Variants in ME3 observed in about 807,000 individuals in gnomAD.
ME3 encodes the protein NADP-dependent malic enzyme, mitochondrial.
Under a neutral mutation model 68.9 loss-of-function variants are expected in ME3, and 48 were observed. That is an observed-to-expected ratio of 0.70 (90% CI 0.55 to 0.89). The LOEUF (loss-of-function observed/expected upper bound fraction) is 0.89, where lower values mean the gene tolerates loss of function less well. ME3 is among the 40% of genes least tolerant of loss of function. The pLI, the probability that ME3 is intolerant of heterozygous loss-of-function variation, is 0.00. For missense variants in ME3, 675 were observed against 797.4 expected, an observed-to-expected ratio of 0.85 and a Z score of 1.85; for synonymous variants, 320 against 318.8, an observed-to-expected ratio of 1.00 and a Z score of -0.04.
chr11:86,656,874 T>C (rs1257231158), intron 2 of ME3, among the ~76,000 whole-genome samples: 3 of 148,342 alleles, frequency 2.0e-5, no homozygotes, highest in Non-Finnish European at 3.0e-5. Flanking sequence ...AAAAAGCTCA[T>C]GATCAGTGGT....
intron 2 of ME3, among the ~76,000 whole-genome samples, chr11:86,569,339 G>A (rs1369534919): frequency 6.6e-6 from 1 of 152,138 alleles, no homozygotes; most frequent in African/African-American, 2.4e-5. Flanking sequence ...TCTGGCTGTT[G>A]CGCTTTGACT....
At chr11:86,508,676 G>T in intron 5 of ME3, 116 bp downstream of exon 5, 2 of 893,302 alleles carry the variant, frequency 2.2e-6, no homozygotes, top group Non-Finnish European at 3.6e-6. Flanking sequence ...AGGAATGGGA[G>T]GTAGTATGCT....
chr11:86,580,382 T>C (rs950881318), intron 2 of ME3, among the ~76,000 whole-genome samples: 1 of 152,176 alleles, frequency 6.6e-6, no homozygotes, highest in African/African-American at 2.4e-5. Flanking sequence ...GTAAAGTTAA[T>C]ATTTAAAGTC....
chr11:86,463,193 CAT>C (rs1217962064), intron 8 of ME3, among the ~76,000 whole-genome samples: 2 of 152,180 alleles, frequency 1.3e-5, no homozygotes, highest in African/African-American at 4.8e-5. Context: ...GATGTATACA[CAT>C]GTGGCTGTCT....
intron 2 of ME3, among the ~76,000 whole-genome samples, chr11:86,597,113 C>T (rs1435172818): frequency 1.3e-5 from 2 of 152,218 alleles, no homozygotes; most frequent in Non-Finnish European, 2.9e-5. Flanking sequence ...TAGGTAATAA[C>T]AGGTAACAGG....
At chr11:86,618,530 CA>C in intron 2 of ME3, among the ~76,000 whole-genome samples, 1 of 152,170 alleles carries the variant, frequency 6.6e-6, no homozygotes, top group East Asian at 1.9e-4. Context: ...TAAACATACA[CA>C]GCCTTGAAGC....
At chr11:86,566,951 C>G (rs538735003) in intron 2 of ME3, among the ~76,000 whole-genome samples, 3 of 152,014 alleles carry the variant, frequency 2.0e-5, no homozygotes, top group Non-Finnish European at 4.4e-5. Flanking sequence ...GGCGCGATGG[C>G]TCATACCTGT....
chr11:86,626,090 T>C (rs1031937203), intron 2 of ME3, among the ~76,000 whole-genome samples: 3 of 152,184 alleles, frequency 2.0e-5, no homozygotes, highest in Admixed American at 2.0e-4. Flanking sequence ...CATCACGAAG[T>C]TCAGAGAAGG....
intron 2 of ME3, among the ~76,000 whole-genome samples, chr11:86,647,827 T>G (rs956291392): frequency 1.3e-5 from 2 of 152,180 alleles, no homozygotes; most frequent in African/African-American, 4.8e-5. Flanking sequence ...AACACCCCAC[T>G]GTCAATATTA....
At chr11:86,578,170 T>A (rs1958225577) in intron 2 of ME3, among the ~76,000 whole-genome samples, 1 of 152,216 alleles carries the variant, frequency 6.6e-6, no homozygotes, top group South Asian at 2.1e-4. Flanking sequence ...TTATTCTGAA[T>A]GTTTCATGAC....
At chr11:86,462,456 G>T in intron 8 of ME3, 1 of 623,220 alleles carries the variant, frequency 1.6e-6, no homozygotes, top group Non-Finnish European at 2.0e-6. Context: ...GACTGTGTGG[G>T]GCATTGGCAC....
chr11:86,523,869 C>T (rs904770120), intron 4 of ME3, among the ~76,000 whole-genome samples: 58 of 152,264 alleles, frequency 3.8e-4, no homozygotes, highest in Non-Finnish European at 7.6e-4. Context: ...AATATCACTT[C>T]AGAATCTAAA....
In ME3 at chr11:86,563,378, G is replaced by T. The variant is rs561698546; in HGVS notation, c.184-3555C>A. 1.0e-3 allele frequency among the ~76,000 whole-genome samples: 155 copies of T among 152,254 alleles called. 3 individuals carry two copies. The highest frequency in any genetic ancestry group is 0.01 in the Admixed American group (153 of 15,294). On this transcript the variant is annotated intron_variant, in intron 2 of 14. Transcript: ENST00000543262. Reference sequence around the variant, plus strand: ...ATAATAGCCATTCTGACTGGTGTGAGATGGTATCTCATTGTGATTTTAATT... The same window carrying T: ...ATAATAGCCATTCTGACTGGTGTGATATGGTATCTCATTGTGATTTTAATT...
intron 2 of ME3, among the ~76,000 whole-genome samples, chr11:86,624,417 C>T (rs7120052): frequency 6.6e-6 from 1 of 151,980 alleles, no homozygotes; most frequent in African/African-American, 2.4e-5. Flanking sequence ...AAACAGAATC[C>T]AATAAAAACA....
At chr11:86,476,141 C>T (rs1364089147) in intron 7 of ME3, among the ~76,000 whole-genome samples, 1 of 152,166 alleles carries the variant, frequency 6.6e-6, no homozygotes, top group Non-Finnish European at 1.5e-5. Context: ...AGAACCTCAG[C>T]TAAGCTTTTG....
chr11:86,532,567 G>A (rs544274612), intron 4 of ME3, among the ~76,000 whole-genome samples: 3 of 152,120 alleles, frequency 2.0e-5, no homozygotes, highest in South Asian at 2.1e-4. Flanking sequence ...AGTAACAGGA[G>A]GAATTTTGGA....
chr11:86,609,391 A>G (rs1287023480), intron 2 of ME3, among the ~76,000 whole-genome samples: 1 of 152,154 alleles, frequency 6.6e-6, no homozygotes, highest in Admixed American at 6.6e-5. Context: ...TGTCTTCCAG[A>G]GCAGAAAAAG....
intron 2 of ME3, among the ~76,000 whole-genome samples, chr11:86,631,085 TG>T (rs1270532390): frequency 8.5e-5 from 13 of 152,194 alleles, no homozygotes; most frequent in Non-Finnish European, 1.3e-4. Flanking sequence ...AACAGGAGGT[TG>T]GAGGAACTGC....
intron 2 of ME3, among the ~76,000 whole-genome samples, chr11:86,615,349 A>G (rs760699384): frequency 1.3e-5 from 2 of 152,222 alleles, no homozygotes; most frequent in African/African-American, 4.8e-5. Context: ...GGCACTTTAC[A>G]TACATTAACT....
Sources: allele counts gnomAD v4.1 joint callset (sites outside exome capture counted in the v4.1 genomes callset), GRCh38; gene constraint gnomAD v4.1.1; transcripts MANE v1.5; gene names NCBI Gene and HGNC (gene_info 2026-07-23, HGNC 2026-07-21).